ANKRD17: variants seen among roughly 807,000 people sequenced by gnomAD.
ANKRD17 encodes ankyrin repeat domain 17, also known as ankyrin repeat domain-containing protein 17.
In ANKRD17, 19 loss-of-function variants were observed where a neutral mutation model predicts 229.7. That is an observed-to-expected ratio of 0.08 (90% CI 0.06 to 0.12). The LOEUF is 0.12. Among genes scored for constraint, ANKRD17 ranks in the 10% least tolerant of loss-of-function variants. The pLI, the probability that ANKRD17 is intolerant of heterozygous loss-of-function variation, is 1.00. For missense variants in ANKRD17, 2,176 were observed against 3,176.8 expected (o/e 0.68, Z 7.57); for synonymous variants, 1,112 against 1,146.1 (o/e 0.97, Z 0.60).
intron 1 of ANKRD17, among the ~76,000 whole-genome samples, chr4:73,234,367 A>G (rs1286897681): frequency 6.6e-6 from 1 of 152,198 alleles, no homozygotes; most frequent in African/African-American, 2.4e-5. Flanking sequence ...TTACACTTTG[A>G]AGTATTCTTC....
At chr4:73,247,442 T>C (rs916313855) in intron 1 of ANKRD17, among the ~76,000 whole-genome samples, 13 of 152,076 alleles carry the variant, frequency 8.5e-5, no homozygotes, top group Admixed American at 4.6e-4. Flanking sequence ...AATAGCAATG[T>C]AGTGAAAACA....
chr4:73,155,910 ATTTG>A, intron 4 of ANKRD17, 105 bp downstream of exon 4: 1 of 1,480,494 alleles, frequency 6.8e-7, no homozygotes, highest in East Asian at 2.3e-5. Flanking sequence ...TAACAAAACT[ATTTG>A]TTGAAATAAT....
At chr4:73,089,572 A>C (rs1176669732) in intron 29 of ANKRD17, among the ~76,000 whole-genome samples, 1 of 152,218 alleles carries the variant, frequency 6.6e-6, no homozygotes, top group Non-Finnish European at 1.5e-5. Context: ...TAAAATCTGT[A>C]GTCTAGTTAG....
intron 29 of ANKRD17, among the ~76,000 whole-genome samples, chr4:73,086,796 T>C (rs1722170809): frequency 6.8e-6 from 1 of 146,086 alleles, no homozygotes; most frequent in East Asian, 2.0e-4. Flanking sequence ...AGAACACATG[T>C]CAATATTGGA....
At chr4:73,165,380 A>G (rs1020874801) in intron 2 of ANKRD17, among the ~76,000 whole-genome samples, 2 of 152,248 alleles carry the variant, frequency 1.3e-5, no homozygotes, top group Non-Finnish European at 2.9e-5. Flanking sequence ...GACATCAGGT[A>G]TACAGGAGGA....
At position 73,116,549 on chromosome 4, in the gene ANKRD17, C is replaced by G. The variant is rs1725981028; in HGVS notation, c.4189-633G>C. Among the ~76,000 whole-genome samples, 2 of 152,144 alleles carry G rather than the reference C, an allele frequency of 1.3e-5. 1 individual carries two copies. Among genetic ancestry groups the G allele is most frequent in the South Asian group, 4.1e-4 (2 of 4,826 alleles). On this transcript the variant is annotated intron_variant, in intron 22 of 33. Coordinates refer to ENST00000358602, the MANE Select transcript of ANKRD17 (RefSeq NM_032217.5). Reference sequence around the variant, plus strand: ...TCTGAAGTTAGCCAGTCGGGATAAACAGCTGTTAATCTTTAGTATATTTTT... The same window carrying G: ...TCTGAAGTTAGCCAGTCGGGATAAAGAGCTGTTAATCTTTAGTATATTTTT...
rs1560538304 is a variant in ANKRD17 at position 73,115,931 on chromosome 4, T to C, written c.4189-15A>G. 1.2e-6 allele frequency: 2 copies of C among 1,607,218 alleles called. No homozygotes were observed. The highest frequency in any genetic ancestry group is 2.7e-5 in the African/African-American group (2 of 74,782). On this transcript the variant is annotated splice_polypyrimidine_tract_variant and intron_variant, in intron 22 of 33. Coordinates refer to ENST00000358602, the MANE Select transcript of ANKRD17 (RefSeq NM_032217.5). ...TTCACATGACCCTAAAAAATAGATA[T>C]CAATGTCAGATTGAAAACAGACTCT...
At position 73,254,630 on chromosome 4, in the gene ANKRD17, T is replaced by C. The variant is rs138926332; in HGVS notation, c.393+3646A>G. On this transcript the variant is annotated intron_variant, in intron 1 of 33. Coordinates refer to ENST00000358602, the MANE Select transcript of ANKRD17 (RefSeq NM_032217.5). ...TAAAAATACAAAAATTAGCCAGGCC[T>C]GGTGGCGGATGCCTGTAATTCCAGC... 7.8e-3 allele frequency among the ~76,000 whole-genome samples: 1,186 copies of C among 152,088 alleles called. 16 individuals are homozygous for C. The highest frequency in any genetic ancestry group is 0.027 in the African/African-American group (1,120 of 41,480).
At chr4:73,257,029 G>A (rs1005456048) in intron 1 of ANKRD17, among the ~76,000 whole-genome samples, 1 of 152,102 alleles carries the variant, frequency 6.6e-6, no homozygotes, top group East Asian at 1.9e-4. Context: ...TCCAATTTTC[G>A]GAAAACCAGA....
At chr4:73,181,249 A>T (rs944435802) in intron 1 of ANKRD17, among the ~76,000 whole-genome samples, 1 of 152,198 alleles carries the variant, frequency 6.6e-6, no homozygotes, top group Non-Finnish European at 1.5e-5. Context: ...CAAACATTCT[A>T]TGTGTAAAAA....
At chr4:73,081,331 C>T (rs1721536993) in intron 30 of ANKRD17, among the ~76,000 whole-genome samples, 2 of 152,090 alleles carry the variant, frequency 1.3e-5, no homozygotes, top group South Asian at 4.1e-4. Context: ...AAGAAACAGA[C>T]CATGAGTGAG....
At chr4:73,179,488 GTATATA>G (rs1169079744) in intron 1 of ANKRD17, among the ~76,000 whole-genome samples, 3 of 48,218 alleles carry the variant, frequency 6.2e-5, no homozygotes, top group African/African-American at 2.6e-4. Context: ...GTGTGTGTGT[GTATATA>G]TATATATATA....
intron 30 of ANKRD17, among the ~76,000 whole-genome samples, chr4:73,082,581 T>A (rs1721686589): frequency 6.6e-6 from 1 of 152,232 alleles, no homozygotes; most frequent in African/African-American, 2.4e-5. Flanking sequence ...AAAGTGCTCC[T>A]ACAGTAAAAT....
intron 24 of ANKRD17, among the ~76,000 whole-genome samples, chr4:73,111,373 A>G (rs34401404): frequency 0.015 from 2,209 of 152,304 alleles, 44 homozygotes; most frequent in Non-Finnish European, 0.019. Context: ...TACTAAGTGG[A>G]TACACCAGAC....
intron 1 of ANKRD17, among the ~76,000 whole-genome samples, chr4:73,248,688 A>C (rs1277538419): frequency 6.6e-6 from 1 of 152,048 alleles, no homozygotes; most frequent in African/African-American, 2.4e-5. Context: ...CAATGTATGT[A>C]AGTTTTACTA....
intron 1 of ANKRD17, among the ~76,000 whole-genome samples, chr4:73,189,941 T>G (rs932885298): frequency 1.2e-4 from 18 of 152,298 alleles, no homozygotes; most frequent in Admixed American, 7.8e-4. Context: ...TGACTAACAT[T>G]AATGCAATCA....
intron 16 of ANKRD17, among the ~76,000 whole-genome samples, chr4:73,133,689 C>T (rs145651735): frequency 1.3e-5 from 2 of 151,936 alleles, no homozygotes; most frequent in African/African-American, 2.4e-5. Context: ...CCACCACGCC[C>T]GGCCATCTCG....
At chr4:73,240,352 A>C (rs1012061320) in intron 1 of ANKRD17, among the ~76,000 whole-genome samples, 5 of 151,930 alleles carry the variant, frequency 3.3e-5, no homozygotes, top group African/African-American at 1.2e-4. Context: ...GGCTGGGCAC[A>C]TGGGCTCATG....
chr4:73,232,874 T>C (rs1033575970), intron 1 of ANKRD17, among the ~76,000 whole-genome samples: 1 of 151,946 alleles, frequency 6.6e-6, no homozygotes. Context: ...CAGGCGCAGC[T>C]ACCACGCCCA....
Sources: allele counts gnomAD v4.1 joint callset (sites outside exome capture counted in the v4.1 genomes callset), GRCh38; gene constraint gnomAD v4.1.1; transcripts MANE v1.5; gene names NCBI Gene and HGNC (gene_info 2026-07-23, HGNC 2026-07-21).